Variants in PBX3 observed in about 807,000 individuals in gnomAD.
PBX3 encodes PBX homeobox 3.
A neutral mutation model predicts 48.5 loss-of-function variants in PBX3; 14 were observed. That is an observed-to-expected ratio of 0.29 (90% CI 0.19 to 0.45). The LOEUF is 0.45. Among genes scored for constraint, PBX3 ranks in the 20% least tolerant of loss-of-function variants. The pLI, the probability that PBX3 is intolerant of heterozygous loss-of-function variation, is 1.00. For synonymous variants in PBX3, 210 were observed against 200.3 expected, an observed-to-expected ratio of 1.05 and a Z score of -0.41; for missense variants, 386 against 546.7, an observed-to-expected ratio of 0.71 and a Z score of 2.93.
At chr9:125,802,181 G>A (rs1286729625) in intron 2 of PBX3, among the ~76,000 whole-genome samples, 1 of 151,880 alleles carries the variant, frequency 6.6e-6, no homozygotes, top group Non-Finnish European at 1.5e-5. Flanking sequence ...GGTATATTGC[G>A]TGATGCTGAG....
At chr9:125,818,428 G>T (rs1742318093) in intron 2 of PBX3, among the ~76,000 whole-genome samples, 2 of 151,424 alleles carry the variant, frequency 1.3e-5, no homozygotes, top group Admixed American at 1.3e-4. Flanking sequence ...TCTGCCTCCT[G>T]GGTTCAATTG....
At position 125,761,341 on chromosome 9, in the gene PBX3, AAG is replaced by A. The variant is rs759240652; in HGVS notation, c.274+12721_274+12722del. 2.0e-5 allele frequency among the ~76,000 whole-genome samples: 3 copies of A among 152,104 alleles called. No individual in the cohort carries two copies. The East Asian group carries it at 5.8e-4, about 29-fold the overall frequency. ...CATTTGAAAATATTGTATTTTGAGTAAGAGTAAAACATTGTTCCATATCATTA... is the reference window on the plus strand; with the variant it reads ...CATTTGAAAATATTGTATTTTGAGTAAGTAAAACATTGTTCCATATCATTA... On this transcript the variant is annotated intron_variant, in intron 2 of 8. Transcript: ENST00000373489.
chr9:125,813,053 T>A (rs1043409677), intron 2 of PBX3, among the ~76,000 whole-genome samples: 17 of 152,226 alleles, frequency 1.1e-4, no homozygotes, highest in Non-Finnish European at 2.1e-4. Context: ...ATACTAAATT[T>A]ATAAAAATAT....
intron 5 of PBX3, among the ~76,000 whole-genome samples, chr9:125,943,062 C>T (rs1841990321): frequency 6.6e-6 from 1 of 151,964 alleles, no homozygotes; most frequent in African/African-American, 2.4e-5. Context: ...GATACCCAAA[C>T]AAGGATAAAG....
chr9:125,881,244 C>T (rs1840373930), intron 2 of PBX3, among the ~76,000 whole-genome samples: 1 of 152,084 alleles, frequency 6.6e-6, no homozygotes, highest in Non-Finnish European at 1.5e-5. Context: ...CTTGGGAGTC[C>T]ATAAATGGAA....
chr9:125,781,403 G>A (rs991147662), intron 2 of PBX3, among the ~76,000 whole-genome samples: 20 of 151,692 alleles, frequency 1.3e-4, no homozygotes, highest in African/African-American at 3.9e-4. Flanking sequence ...GCCTGCAATC[G>A]CAGGCACTCG....
At chr9:125,791,605 A>C (rs566748467) in intron 2 of PBX3, among the ~76,000 whole-genome samples, 17 of 152,196 alleles carry the variant, frequency 1.1e-4, no homozygotes, top group Admixed American at 5.9e-4. Flanking sequence ...CTGGTCATGT[A>C]AGATGTGCCT....
rs1329457734 is a variant in PBX3 at position 125,791,619 on chromosome 9, T to G, written c.274+42996T>G. 2.0e-5 allele frequency among the ~76,000 whole-genome samples: 3 copies of G among 152,140 alleles called. 1 individual carries two copies. The highest frequency in any genetic ancestry group is 1.9e-4 in the East Asian group (1 of 5,182). Reference sequence around the variant, plus strand: ...TCTGGTCATGTAAGATGTGCCTGCTTCCCCTTTGCCTTCTGCCATGATTTA... The same window carrying G: ...TCTGGTCATGTAAGATGTGCCTGCTGCCCCTTTGCCTTCTGCCATGATTTA... On this transcript the variant is annotated intron_variant, in intron 2 of 8. Coordinates refer to ENST00000373489, the MANE Select transcript of PBX3 (RefSeq NM_006195.6).
chr9:125,820,506 A>G (rs1838619485), intron 2 of PBX3, among the ~76,000 whole-genome samples: 1 of 152,274 alleles, frequency 6.6e-6, no homozygotes, highest in Non-Finnish European at 1.5e-5. Flanking sequence ...CATGGTGCAC[A>G]GCATTGAAGA....
chr9:125,876,685 T>C (rs1840257407), intron 2 of PBX3, among the ~76,000 whole-genome samples: 1 of 152,182 alleles, frequency 6.6e-6, no homozygotes, highest in Non-Finnish European at 1.5e-5. Context: ...GTCAAAGTTA[T>C]ATTCAGATTT....
intron 2 of PBX3, among the ~76,000 whole-genome samples, chr9:125,859,838 A>C (rs1457748067): frequency 6.6e-6 from 1 of 152,240 alleles, no homozygotes; most frequent in African/African-American, 2.4e-5. Flanking sequence ...GCATAAAGAC[A>C]ATGAAAATGT....
chr9:125,962,701 G>A (rs1447046089), intron 7 of PBX3, among the ~76,000 whole-genome samples: 1 of 152,184 alleles, frequency 6.6e-6, no homozygotes, highest in Non-Finnish European at 1.5e-5. Flanking sequence ...GAGAGAAAGA[G>A]AGTTGAGATA....
chr9:125,837,345 G>A (rs1043179404), intron 2 of PBX3, among the ~76,000 whole-genome samples: 1 of 150,540 alleles, frequency 6.6e-6, no homozygotes, highest in South Asian at 2.1e-4. Context: ...TACTTATTTT[G>A]TGTGTGTATA....
intron 6 of PBX3, 88 bp from the exon 7 acceptor site, chr9:125,962,014 T>C (rs1842439716): frequency 4.5e-6 from 3 of 673,796 alleles, no homozygotes; most frequent in South Asian, 1.9e-5. Context: ...TTCCCTTCTG[T>C]ACTTTTTCTC....
At position 125,867,412 on chromosome 9, in the gene PBX3, C is replaced by T. The variant is rs556598150; in HGVS notation, c.275-48274C>T. 7.5e-4 allele frequency among the ~76,000 whole-genome samples: 114 copies of T among 151,958 alleles called. No homozygotes were observed. In the Middle Eastern group the frequency reaches 0.01, roughly 14 times the overall value. On this transcript the variant is annotated intron_variant, in intron 2 of 8. Coordinates refer to ENST00000373489, the MANE Select transcript of PBX3 (RefSeq NM_006195.6). ...ATCCCAGCACTTTGGGAGGCCAAGG[C>T]GGGTGGATCATGAGGTCAGGAGTTC...
chr9:125,899,547 A>G (rs1840892216), intron 2 of PBX3, among the ~76,000 whole-genome samples: 1 of 149,416 alleles, frequency 6.7e-6, no homozygotes, highest in African/African-American at 2.5e-5. Context: ...AGAGGGGAGT[A>G]GAGCACAAAT....
chr9:125,858,103 C>G lies in PBX3; in HGVS notation c.275-57583C>G, dbSNP rs147579657. 8.0e-3 allele frequency among the ~76,000 whole-genome samples: 1,221 copies of G among 152,280 alleles called. 16 individuals are homozygous for G. Among genetic ancestry groups the G allele is most frequent in the African/African-American group, 0.027 (1,131 of 41,554 alleles). On this transcript the variant is annotated intron_variant, in intron 2 of 8. Coordinates refer to ENST00000373489, the MANE Select transcript of PBX3 (RefSeq NM_006195.6). ...TTAAGGCTGGGTGTGGTGGCTCACT[C>G]CTATAATCCCAGCACTTTGGGAGGC...
intron 2 of PBX3, among the ~76,000 whole-genome samples, chr9:125,886,992 C>CT (rs1420668264): frequency 6.6e-6 from 1 of 152,002 alleles, no homozygotes; most frequent in African/African-American, 2.4e-5. Context: ...AGTAAAAAGG[C>CT]TTTTCATACT....
intron 5 of PBX3, among the ~76,000 whole-genome samples, chr9:125,943,729 C>T (rs1564184986): frequency 6.6e-6 from 1 of 152,242 alleles, no homozygotes; most frequent in East Asian, 1.9e-4. Flanking sequence ...ATGACTTGCT[C>T]AAGGTCACTA....
Sources: allele counts gnomAD v4.1 joint callset (sites outside exome capture counted in the v4.1 genomes callset), GRCh38; gene constraint gnomAD v4.1.1; transcripts MANE v1.5; gene names NCBI Gene and HGNC (gene_info 2026-07-23, HGNC 2026-07-21).